The following CACNA2D1 variants were observed in gnomAD, a reference collection of about 807,000 sequenced individuals.
CACNA2D1 encodes calcium voltage-gated channel auxiliary subunit alpha2delta 1.
Under a neutral mutation model 171.5 loss-of-function variants are expected in CACNA2D1, and 53 were observed. That is an observed-to-expected ratio of 0.31 (90% CI 0.25 to 0.39). The LOEUF is 0.39. Among genes scored for constraint, CACNA2D1 ranks in the 10% least tolerant of loss-of-function variants. The probability of loss-of-function intolerance (pLI) is 1.00; values close to 1 mark genes in which losing one functional copy is unlikely to be tolerated. For missense variants in CACNA2D1, 903 were observed against 1,299.8 expected, an observed-to-expected ratio of 0.69 and a Z score of 4.69; for synonymous variants, 442 against 443.1, an observed-to-expected ratio of 1.00 and a Z score of 0.03.
intron 3 of CACNA2D1, among the ~76,000 whole-genome samples, chr7:82,254,072 A>T (rs1020824953): frequency 1.3e-5 from 2 of 152,168 alleles, no homozygotes; most frequent in African/African-American, 4.8e-5. Flanking sequence ...GCTTCACTAC[A>T]TACTAAATAG....
intron 3 of CACNA2D1, among the ~76,000 whole-genome samples, chr7:82,190,792 T>C (rs1242863778): frequency 6.6e-6 from 1 of 151,718 alleles, no homozygotes; most frequent in African/African-American, 2.4e-5. Context: ...TTAGGAGTCA[T>C]TGGATCTATC....
chr7:82,121,579 AGCT>A (rs962578279), intron 5 of CACNA2D1, among the ~76,000 whole-genome samples: 1 of 152,202 alleles, frequency 6.6e-6, no homozygotes, highest in African/African-American at 2.4e-5. Flanking sequence ...CATTGATTTA[AGCT>A]GCTATTTTCT....
intron 6 of CACNA2D1, among the ~76,000 whole-genome samples, chr7:82,115,627 T>G (rs1788954076): frequency 6.6e-6 from 1 of 151,742 alleles, no homozygotes; most frequent in Non-Finnish European, 1.5e-5. Flanking sequence ...GTGGTACTTT[T>G]AAAACACTTA....
At chr7:82,088,213 T>C (rs775526643) in intron 6 of CACNA2D1, among the ~76,000 whole-genome samples, 1 of 152,180 alleles carries the variant, frequency 6.6e-6, no homozygotes, top group South Asian at 2.1e-4. Flanking sequence ...TATGTGGTTA[T>C]GCTGGTGCCT....
In CACNA2D1 at chr7:82,172,798, A is replaced by AG. The variant is rs1240902944; in HGVS notation, c.295-2190dup. On this transcript the variant is annotated intron_variant, in intron 3 of 38. Coordinates refer to ENST00000356860, the MANE Select transcript of CACNA2D1 (RefSeq NM_000722.4). ...CTTCCCCCATTTAAAAAAAAAAAAA[A>AG]GCAGTATAATAATAGTAACTAAACT... Among the ~76,000 whole-genome samples, 37 of 150,890 alleles carry AG rather than the reference A, an allele frequency of 2.5e-4. 1 individual carries two copies. Among genetic ancestry groups the AG allele is most frequent in the African/African-American group, 8.3e-4 (34 of 40,968 alleles).
At chr7:82,152,991 G>T (rs1319798627) in intron 4 of CACNA2D1, among the ~76,000 whole-genome samples, 1 of 150,862 alleles carries the variant, frequency 6.6e-6, no homozygotes, top group Non-Finnish European at 1.5e-5. Flanking sequence ...TGTAATATCT[G>T]CCATCCCACT....
intron 5 of CACNA2D1, among the ~76,000 whole-genome samples, chr7:82,119,612 T>C (rs1171002689): frequency 6.6e-6 from 1 of 152,206 alleles, no homozygotes; most frequent in Non-Finnish European, 1.5e-5. Flanking sequence ...TTAAAAAATA[T>C]TCCTACTTAT....
intron 3 of CACNA2D1, among the ~76,000 whole-genome samples, chr7:82,321,636 A>G (rs1278318895): frequency 6.6e-6 from 1 of 152,182 alleles, no homozygotes; most frequent in Non-Finnish European, 1.5e-5. Flanking sequence ...GAAAGCCATC[A>G]TTATGCGCCA....
At chr7:82,254,637 G>C (rs1806073535) in intron 3 of CACNA2D1, among the ~76,000 whole-genome samples, 1 of 152,032 alleles carries the variant, frequency 6.6e-6, no homozygotes, top group African/African-American at 2.4e-5. Context: ...ATCCCTTTAG[G>C]TTGTGTGGCC....
chr7:82,293,620 C>T (rs1237352577), intron 3 of CACNA2D1, among the ~76,000 whole-genome samples: 2 of 152,146 alleles, frequency 1.3e-5, no homozygotes, highest in Non-Finnish European at 2.9e-5. Context: ...AAAGAAGAGG[C>T]TTTATTTAAT....
At chr7:82,053,970 T>C (rs1805515933) in intron 10 of CACNA2D1, among the ~76,000 whole-genome samples, 1 of 152,222 alleles carries the variant, frequency 6.6e-6, no homozygotes, top group African/African-American at 2.4e-5. Flanking sequence ...TGTATTAACC[T>C]GGTTCACAGA....
intron 3 of CACNA2D1, among the ~76,000 whole-genome samples, chr7:82,282,575 T>C (rs1487759962): frequency 6.6e-6 from 1 of 152,186 alleles, no homozygotes; most frequent in African/African-American, 2.4e-5. Context: ...TTTCCCAGTA[T>C]ACTTAACCTA....
intron 3 of CACNA2D1, among the ~76,000 whole-genome samples, chr7:82,330,834 A>G (rs565509970): frequency 2.2e-4 from 34 of 152,210 alleles, no homozygotes; most frequent in African/African-American, 6.7e-4. Flanking sequence ...TATTTATGTA[A>G]TAAGTAGGAA....
intron 38 of CACNA2D1, among the ~76,000 whole-genome samples, chr7:81,955,980 A>ATTTTTTTT (rs1164601123): frequency 2.9e-5 from 1 of 34,546 alleles, no homozygotes; most frequent in Non-Finnish European, 4.9e-5. Context: ...ATATATATAT[A>ATTTTTTTT]TTTTTTTTTT....
chr7:82,014,562 G>GA, intron 12 of CACNA2D1, 83 bp from the exon 13 acceptor site: 1 of 780,122 alleles, frequency 1.3e-6, no homozygotes, highest in Non-Finnish European at 2.3e-6. Context: ...AATTTCTATT[G>GA]AAAAGAGTGC....
Position 82,435,289 on chromosome 7 carries a change from G to A in CACNA2D1, c.95+8076C>T, listed in dbSNP as rs1395206200. On this transcript the variant is annotated intron_variant, in intron 1 of 38. Transcript: ENST00000356860. Reference sequence around the variant, plus strand: ...CCTGACCTCATGATCTGCCCACCTCGGCCTCCCAAAGTGCTGGGATTACAG... The same window carrying A: ...CCTGACCTCATGATCTGCCCACCTCAGCCTCCCAAAGTGCTGGGATTACAG... Among the ~76,000 whole-genome samples the A allele has an allele frequency of 2.0e-5, 3 of 151,906 alleles. No individual in the cohort carries two copies. The East Asian group carries it at 5.8e-4, about 29-fold the overall frequency.
At chr7:82,404,308 T>C (rs1346285187) in intron 1 of CACNA2D1, among the ~76,000 whole-genome samples, 4 of 152,142 alleles carry the variant, frequency 2.6e-5, no homozygotes, top group African/African-American at 7.2e-5. Context: ...GGCAGGAACA[T>C]GGAGAGCGAG....
intron 3 of CACNA2D1, among the ~76,000 whole-genome samples, chr7:82,321,616 C>T (rs1485356646): frequency 6.6e-6 from 1 of 152,098 alleles, no homozygotes; most frequent in Admixed American, 6.5e-5. Context: ...ATAAAGATGG[C>T]TCAGCAACTG....
intron 9 of CACNA2D1, among the ~76,000 whole-genome samples, chr7:82,061,153 T>G (rs1806864658): frequency 6.6e-6 from 1 of 152,330 alleles, no homozygotes; most frequent in South Asian, 2.1e-4. Flanking sequence ...TCGAGCTGCC[T>G]GCTGAACCAC....
Sources: gnomAD v4.1 joint callset for allele counts (sites outside exome capture counted in the v4.1 genomes callset) on GRCh38, gnomAD v4.1.1 for gene constraint, MANE v1.5 for transcripts, NCBI Gene and HGNC (gene_info 2026-07-23, HGNC 2026-07-21) for gene names.